The following SFTPB variants were observed in gnomAD, a reference collection of about 807,000 sequenced individuals.
SFTPB encodes the protein surfactant protein B.
Under a neutral mutation model 51.0 loss-of-function variants are expected in SFTPB, and 32 were observed. The ratio of observed to expected loss-of-function variants is 0.63; its 90% CI spans 0.47 to 0.84. The LOEUF is 0.84. Ranked by LOEUF, SFTPB falls within the 40% of genes least tolerant of loss-of-function variation. The probability of loss-of-function intolerance (pLI) is 0.00; values close to 1 mark genes in which losing one functional copy is unlikely to be tolerated. For missense variants in SFTPB, 431 were observed against 491.2 expected, an observed-to-expected ratio of 0.88 and a Z score of 1.16; for synonymous variants, 211 against 208.5, an observed-to-expected ratio of 1.01 and a Z score of -0.10.
At chr2:85,662,361 ACCCTC>A (rs563278295) in intron 8 of SFTPB, 1 of 1,183,758 alleles carries the variant, frequency 8.4e-7, no homozygotes, top group Non-Finnish European at 1.1e-6. Flanking sequence ...CTCAGCCACC[ACCCTC>A]CCCTCCCTCC....
intron 1 of SFTPB, 105 bp from the exon 2 acceptor site, chr2:85,667,911 A>G: frequency 6.6e-7 from 1 of 1,519,024 alleles, no homozygotes; most frequent in Non-Finnish European, 9.0e-7. Flanking sequence ...GTGTGAGGCC[A>G]TTAAACATGT....
chr2:85,668,461 CCTGGT>C (rs1185635047), upstream of SFTPB, among the ~76,000 whole-genome samples: 1 of 152,232 alleles, frequency 6.6e-6, no homozygotes, highest in Non-Finnish European at 1.5e-5. Flanking sequence ...AGCCTCCATA[CCTGGT>C]CCCACCTCTC....
intron 8 of SFTPB, among the ~76,000 whole-genome samples, chr2:85,662,714 G>A (rs1357476539): frequency 6.6e-6 from 1 of 152,016 alleles, no homozygotes; most frequent in Non-Finnish European, 1.5e-5. Flanking sequence ...GGTAGCACAT[G>A]CCTGTAATCC....
At chr2:85,664,044 G>T (rs999930647) in intron 6 of SFTPB, among the ~76,000 whole-genome samples, 197 bp from the exon 7 acceptor site, 1 of 152,296 alleles carries the variant, frequency 6.6e-6, no homozygotes, top group Middle Eastern at 3.4e-3. Flanking sequence ...GTCACTGAGT[G>T]TAGGAGCCAG....
chr2:85,661,127 A>G (rs1558571988), intron 10 of SFTPB: 6 of 281,260 alleles, frequency 2.1e-5, no homozygotes, highest in Admixed American at 1.8e-4. Flanking sequence ...GTCAGAATAC[A>G]TTGAACCCTG....
At chr2:85,667,050 G>C in intron 3 of SFTPB, 56 bp downstream of exon 3, 1 of 1,468,616 alleles carries the variant, frequency 6.8e-7, no homozygotes, top group Non-Finnish European at 9.5e-7. Context: ...GCTCTTCCCT[G>C]CTCTGTCCCT....
Position 85,661,550 on chromosome 2 carries a change from G to T in SFTPB, c.1084-15C>A, listed in dbSNP as rs771924404. The stretch of plus-strand genomic sequence containing the variant: ...ACCCCGAGGGCCTGTCACAGGGACA[G>T]CACCAGGGCTGAGGCCTGGGCCCCC... On this transcript the variant is annotated splice_polypyrimidine_tract_variant and intron_variant, in intron 9 of 10. Coordinates refer to ENST00000519937, the MANE Select transcript of SFTPB (RefSeq NM_000542.5). 1.2e-6 allele frequency: 2 copies of T among 1,607,440 alleles called. No homozygotes were observed. The highest frequency in any genetic ancestry group is 1.7e-6 in the Non-Finnish European group (2 of 1,177,038).
intron 4 of SFTPB, chr2:85,666,390 A>C: frequency 8.9e-6 from 3 of 335,224 alleles, no homozygotes; most frequent in Non-Finnish European, 1.6e-5. Context: ...CAGCTGGGGT[A>C]CTGTGTGTGT....
intron 10 of SFTPB, among the ~76,000 whole-genome samples, chr2:85,659,939 C>A (rs1677203332): frequency 6.6e-6 from 1 of 152,148 alleles, no homozygotes; most frequent in South Asian, 2.1e-4. Context: ...TGGGTCAGGT[C>A]TGAGTGGGGG....
At chr2:85,667,577 C>A in intron 2 of SFTPB, 102 bp downstream of exon 2, 10 of 1,440,398 alleles carry the variant, frequency 6.9e-6, no homozygotes, top group Non-Finnish European at 9.8e-6. Flanking sequence ...TTCATCTCAT[C>A]CATCCCCTAT....
In SFTPB at chr2:85,660,545, G is replaced by C. The variant is rs564083928; in HGVS notation, c.*20-863C>G. 1.9e-4 allele frequency among the ~76,000 whole-genome samples: 28 copies of C among 148,508 alleles called. No homozygotes were observed. In the South Asian group the frequency reaches 5.7e-3, roughly 30 times the overall value. ...GCACACCGCAACCTTCGCCTCCCAG[G>C]TTCAAGTGATTCTCCTGCCTAAGCG... On this transcript the variant is annotated intron_variant, in intron 10 of 10. Coordinates refer to ENST00000519937, the MANE Select transcript of SFTPB (RefSeq NM_000542.5).
rs542291993 is a variant in SFTPB, at chr2:85,663,694, G to A, written c.826C>T (p.Arg276Trp). ...CCAGCGCTGTCATCCATGGAGCACC[G>A]GAGGACGAGGCGGCAGACCAGCTGG... ...LPQLVCRLVL[R>W]CSMDDSAGPR... Residue 276 changes from arginine (R) to tryptophan (W), a missense_variant, in exon 7 of 11, where the codon CGG (arginine) becomes TGG (tryptophan). By Grantham distance (101) the Arg-to-Trp change is moderately radical (BLOSUM62 -3). Coordinates refer to ENST00000519937, the MANE Select transcript of SFTPB (RefSeq NM_000542.5). 1.4e-5 allele frequency: 23 copies of A among 1,612,670 alleles called. No individual in the cohort carries two copies. The highest frequency in any genetic ancestry group is 1.3e-4 in the African/African-American group (10 of 75,022).
chr2:85,668,576 C>G (rs1044582761), upstream of SFTPB: 3 of 299,454 alleles, frequency 1.0e-5, no homozygotes, highest in East Asian at 6.7e-5. Flanking sequence ...CAGGCCCCCT[C>G]TACTCTTGAG....
chr2:85,667,769 G>T lies in SFTPB; in HGVS notation c.105C>A (p.Gly35=). The change falls in exon 2 of 11, where the codon GGC becomes GGA. Residue 35 remains glycine, a synonymous_variant. Transcript: ENST00000519937. The part of the protein sequence containing the change: ...WTTSSLACAQ[G]PEFWCQSLEQ... ...CCAGGCTTTGGCACCAGAACTCAGG[G>T]CCCTGGGCACAGGCCAAGGATGAGG... The T allele has an allele frequency of 6.2e-7, 1 of 1,614,268 alleles. No homozygotes were observed.
chr2:85,662,142 C>A, intron 8 of SFTPB, 33 bp from the exon 9 acceptor site: 1 of 1,581,088 alleles, frequency 6.3e-7, no homozygotes, highest in South Asian at 1.2e-5. Flanking sequence ...GTGGAGGGTC[C>A]CTTTGCAGGA....
At chr2:85,666,495 G>C (rs1486923863) in intron 4 of SFTPB, 122 bp downstream of exon 4, 6 of 159,114 alleles carry the variant, frequency 3.8e-5, no homozygotes, top group Admixed American at 1.1e-4. Context: ...CTTGGGTGCT[G>C]TGTGTGTGTG....
At chr2:85,667,617 G>T in intron 2 of SFTPB, 62 bp downstream of exon 2, 4 of 1,611,968 alleles carry the variant, frequency 2.5e-6, no homozygotes, top group Non-Finnish European at 3.4e-6. Context: ...TGCCCATCCA[G>T]AGCCCACCCA....
chr2:85,666,580 TGGGGA>T (rs1343997751), intron 4 of SFTPB, 32 bp downstream of exon 4: 6 of 1,608,844 alleles, frequency 3.7e-6, no homozygotes, highest in Non-Finnish European at 5.1e-6. Context: ...GGGGCCTGCG[TGGGGA>T]GGCAGGCAGG....
In SFTPB at chr2:85,665,750, C is replaced by T; in HGVS notation, c.438G>A (p.Arg146=). Residue 146 remains arginine (R), a synonymous_variant, in exon 5 of 11, where the codon CGG becomes CGA. Coordinates refer to ENST00000519937, the MANE Select transcript of SFTPB (RefSeq NM_000542.5). ...CTGGCTCCTGCTCTGGCTCTGGCTG[C>T]CGGGATTTGCACAGGCCCAGGTGCA... ...ICMHLGLCKS[R]QPEPEQEPGM... is the part of the protein sequence containing the mutation. 1 of 1,614,180 alleles carries T rather than the reference C, an allele frequency of 6.2e-7. No individual in the cohort carries two copies. The highest frequency in any genetic ancestry group is 8.5e-7 in the Non-Finnish European group (1 of 1,180,034).
Sources: allele counts gnomAD v4.1 joint callset (sites outside exome capture counted in the v4.1 genomes callset), GRCh38; gene constraint gnomAD v4.1.1; transcripts MANE v1.5; gene names NCBI Gene and HGNC (gene_info 2026-07-23, HGNC 2026-07-21).